Variants in EPB41L1 observed in about 807,000 individuals in gnomAD.
EPB41L1 encodes the protein band 4.1-like protein 1.
EPB41L1 carries 29 observed loss-of-function variants against 97.8 expected under a neutral mutation model. The observed-to-expected ratio is 0.30, with a 90% CI of 0.22 to 0.40. The LOEUF is 0.40. EPB41L1 is among the 10% of genes least tolerant of loss of function. The probability of loss-of-function intolerance (pLI) is 1.00; values close to 1 mark genes in which losing one functional copy is unlikely to be tolerated. For missense variants in EPB41L1, 812 were observed against 1,162.3 expected (o/e 0.70, Z 4.38); for synonymous variants, 383 against 459.2 (o/e 0.83, Z 2.12).
At chr20:36,113,031 A>G (rs2147606449) in intron 2 of EPB41L1, among the ~76,000 whole-genome samples, 1 of 152,286 alleles carries the variant, frequency 6.6e-6, no homozygotes, top group South Asian at 2.1e-4. Flanking sequence ...AAAGAATCTC[A>G]ATGTACAAAA....
intron 2 of EPB41L1, among the ~76,000 whole-genome samples, chr20:36,129,055 C>A (rs1267451312): frequency 1.3e-5 from 2 of 149,974 alleles, no homozygotes; most frequent in Non-Finnish European, 3.0e-5. Flanking sequence ...ACTCTCTGGG[C>A]AAGCTTGTGT....
chr20:36,158,905 C>A (rs964221627), intron 1 of EPB41L1, among the ~76,000 whole-genome samples: 5 of 152,206 alleles, frequency 3.3e-5, no homozygotes, highest in Non-Finnish European at 5.9e-5. Context: ...CTCTAGGAAT[C>A]TTTGCAGGAT....
intron 1 of EPB41L1, among the ~76,000 whole-genome samples, chr20:36,098,226 C>T (rs1018341276): frequency 5.3e-5 from 8 of 152,160 alleles, no homozygotes; most frequent in African/African-American, 1.9e-4. Flanking sequence ...TCTGGGTCCT[C>T]TTTAACCTCT....
At chr20:36,181,888 C>T (rs891365678) in intron 5 of EPB41L1, among the ~76,000 whole-genome samples, 9 of 152,170 alleles carry the variant, frequency 5.9e-5, no homozygotes, top group African/African-American at 2.2e-4. Context: ...CACTTCCAAG[C>T]AGGGTGACCT....
At chr20:36,171,910 G>A (rs187878480) in intron 1 of EPB41L1, among the ~76,000 whole-genome samples, 1 of 152,094 alleles carries the variant, frequency 6.6e-6, no homozygotes, top group Non-Finnish European at 1.5e-5. Context: ...GGACTCAGGG[G>A]TGAGGGTTCC....
intron 5 of EPB41L1, among the ~76,000 whole-genome samples, chr20:36,179,911 G>C (rs1250633380): frequency 6.6e-6 from 1 of 152,216 alleles, no homozygotes. Flanking sequence ...CTGTCCCCCA[G>C]GAGCCCCAGC....
rs554803534 is a variant in EPB41L1, at chr20:36,179,370, T to A, written c.490+698T>A. Among the ~76,000 whole-genome samples the A allele has an allele frequency of 1.8e-3, 278 of 152,256 alleles. 1 individual carries two copies. Among genetic ancestry groups the A allele is most frequent in the East Asian group, 1.2e-3 (6 of 5,170 alleles). On this transcript the variant is annotated intron_variant, in intron 5 of 21. Transcript: ENST00000338074. ...TAGTCTTCAGTAAACAATGACCCTT[T>A]CCTCAGAGGCCCAGAGAGAGGCAGT...
At chr20:36,130,282 CAT>C (rs2059148331) in intron 2 of EPB41L1, among the ~76,000 whole-genome samples, 1 of 149,974 alleles carries the variant, frequency 6.7e-6, no homozygotes, top group Non-Finnish European at 1.5e-5. Context: ...ACCATAATAA[CAT>C]AGTACCAAGA....
intron 1 of EPB41L1, among the ~76,000 whole-genome samples, chr20:36,171,581 T>A (rs936864782): frequency 6.6e-6 from 1 of 152,208 alleles, no homozygotes; most frequent in Non-Finnish European, 1.5e-5. Flanking sequence ...TTATCCACTC[T>A]GTGGGGGGCT....
At chr20:36,166,660 G>A (rs2060749946) in intron 1 of EPB41L1, among the ~76,000 whole-genome samples, 1 of 152,184 alleles carries the variant, frequency 6.6e-6, no homozygotes, top group Non-Finnish European at 1.5e-5. Flanking sequence ...GCCAAGGCGA[G>A]CAGATTGGCT....
chr20:36,165,089 C>A (rs551000265), intron 1 of EPB41L1, among the ~76,000 whole-genome samples: 1 of 152,116 alleles, frequency 6.6e-6, no homozygotes, highest in South Asian at 2.1e-4. Flanking sequence ...TCAAGCAATT[C>A]TTCTGCCTCA....
intron 14 of EPB41L1, among the ~76,000 whole-genome samples, chr20:36,202,822 A>G (rs2062572792): frequency 6.6e-6 from 1 of 151,072 alleles, no homozygotes; most frequent in Admixed American, 6.6e-5. Flanking sequence ...AAAAAAAAAA[A>G]AAAAAAAAGG....
intron 1 of EPB41L1, among the ~76,000 whole-genome samples, chr20:36,111,119 C>CT (rs1166623688): frequency 6.6e-6 from 1 of 152,150 alleles, no homozygotes; most frequent in Non-Finnish European, 1.5e-5. Context: ...CCCATTAGCC[C>CT]TGGGAGCAGA....
At chr20:36,098,859 GC>G (rs1416574690) in intron 1 of EPB41L1, among the ~76,000 whole-genome samples, 1 of 152,096 alleles carries the variant, frequency 6.6e-6, no homozygotes, top group Non-Finnish European at 1.5e-5. Context: ...GGTTGCTCAC[GC>G]CTGTAATCCC....
intron 2 of EPB41L1, among the ~76,000 whole-genome samples, chr20:36,139,692 G>A (rs1006416506): frequency 6.6e-6 from 1 of 151,566 alleles, no homozygotes; most frequent in Admixed American, 6.6e-5. Flanking sequence ...CCCCATCTGT[G>A]CAGTAAAGGG....
At chr20:36,211,712 G>C (rs1047372098) in intron 15 of EPB41L1, among the ~76,000 whole-genome samples, 6 of 152,142 alleles carry the variant, frequency 3.9e-5, no homozygotes, top group Non-Finnish European at 8.8e-5. Context: ...AAGTTAGCCG[G>C]GTGTGGTGGC....
At chr20:36,106,485 T>C (rs1396897742) in intron 1 of EPB41L1, among the ~76,000 whole-genome samples, 1 of 152,206 alleles carries the variant, frequency 6.6e-6, no homozygotes, top group Non-Finnish European at 1.5e-5. Flanking sequence ...AGCCTCATCC[T>C]CTGAACACTA....
At chr20:36,144,193 A>G (rs186715492) in intron 2 of EPB41L1, among the ~76,000 whole-genome samples, 20 of 152,176 alleles carry the variant, frequency 1.3e-4, no homozygotes, top group Admixed American at 6.5e-4. Flanking sequence ...ACCCCCTCAT[A>G]TTACAGGTAA....
At chr20:36,192,057 C>T (rs1216089604) in intron 11 of EPB41L1, among the ~76,000 whole-genome samples, 1 of 151,988 alleles carries the variant, frequency 6.6e-6, no homozygotes, top group Non-Finnish European at 1.5e-5. Context: ...GAAACCCCAT[C>T]TCTACTAAAA....
Sources: gnomAD v4.1 joint callset for allele counts (sites outside exome capture counted in the v4.1 genomes callset) on GRCh38, gnomAD v4.1.1 for gene constraint, MANE v1.5 for transcripts, NCBI Gene and HGNC (gene_info 2026-07-23, HGNC 2026-07-21) for gene names.